The following SPTBN1 variants were observed in gnomAD, a reference collection of about 807,000 sequenced individuals.
The protein encoded by SPTBN1 is spectrin beta chain, non-erythrocytic 1.
In SPTBN1, 32 loss-of-function variants were observed where a neutral mutation model predicts 266.4. The observed-to-expected ratio is 0.12, with a 90% CI of 0.09 to 0.16. The LOEUF is 0.16. SPTBN1 is among the 10% of genes least tolerant of loss of function. The pLI is 1.00. For missense variants in SPTBN1, 2,296 were observed against 3,067.1 expected (o/e 0.75, Z 5.94); for synonymous variants, 1,336 against 1,162.2 (o/e 1.15, Z -3.04).
At chr2:54,667,011 G>A (rs544029473) in intron 34 of SPTBN1, among the ~76,000 whole-genome samples, 11 of 152,214 alleles carry the variant, frequency 7.2e-5, no homozygotes, top group African/African-American at 1.9e-4. Context: ...GGATATTAGC[G>A]AACGGCCCCT....
intron 1 of SPTBN1, among the ~76,000 whole-genome samples, chr2:54,505,060 G>C (rs1669481418): frequency 6.6e-6 from 1 of 152,160 alleles, no homozygotes; most frequent in East Asian, 1.9e-4. Flanking sequence ...TAAAGTAATG[G>C]TGATTCAGTT....
In SPTBN1 at chr2:54,624,986, A is replaced by G. The variant is rs1491001914; in HGVS notation, c.1341+24A>G. On this transcript the variant is annotated intron_variant, in intron 11 of 35. Transcript: ENST00000356805. ...AGGTTCTGCTCTTGACATTATTAAA[A>G]AGACTGTTGCTAGGGTAATCTAGAA... The G allele has an allele frequency of 1.9e-6, 3 of 1,558,326 alleles. No individual in the cohort carries two copies. In the Admixed American group the frequency reaches 5.9e-5, roughly 31 times the overall value.
At chr2:54,503,310 G>A (rs1669372881) in intron 1 of SPTBN1, among the ~76,000 whole-genome samples, 2 of 151,898 alleles carry the variant, frequency 1.3e-5, no homozygotes, top group Non-Finnish European at 2.9e-5. Flanking sequence ...CTGCCTTCCT[G>A]TTCATGGAGG....
intron 35 of SPTBN1, 109 bp downstream of exon 35, chr2:54,667,755 T>A: frequency 2.0e-6 from 2 of 982,644 alleles, no homozygotes; most frequent in Non-Finnish European, 3.2e-6. Flanking sequence ...TCAGTGATGG[T>A]TTCTATCACT....
intron 1 of SPTBN1, among the ~76,000 whole-genome samples, chr2:54,504,271 C>T (rs1669435835): frequency 6.6e-6 from 1 of 152,186 alleles, no homozygotes; most frequent in African/African-American, 2.4e-5. Flanking sequence ...TGTTCTATGA[C>T]TTTCTTAAAT....
rs770827219 is a variant in SPTBN1 at position 54,653,867 on chromosome 2, C to T, written c.5822+14C>T. ...GGAGAAGCCAAGGTAACGCTTTCAG[C>T]CCAAAGGAAATTGGACTTATTGGCG... On this transcript the variant is annotated intron_variant, in intron 27 of 35. Transcript: ENST00000356805. This position sits in a 1 kb window ranked among gnomAD's most constrained non-coding sequence, Gnocchi z 5.1. 9 of 1,601,524 alleles carry T rather than the reference C, an allele frequency of 5.6e-6. No individual in the cohort carries two copies. In the Admixed American group the frequency reaches 1.5e-4, roughly 26 times the overall value.
chr2:54,660,796 C>G, intron 32 of SPTBN1: 1 of 985,410 alleles, frequency 1.0e-6, no homozygotes, highest in Non-Finnish European at 1.2e-6. Context: ...GTAAAGTGCC[C>G]GCTGACTGCT....
chr2:54,622,719 C>T (rs1465155838), intron 9 of SPTBN1, among the ~76,000 whole-genome samples: 1 of 152,082 alleles, frequency 6.6e-6, no homozygotes, highest in Non-Finnish European at 1.5e-5. Flanking sequence ...ATGAGAATTC[C>T]AAGAAATGGT....
At chr2:54,457,963 C>A (rs371718908) in intron 1 of SPTBN1, among the ~76,000 whole-genome samples, 83 of 152,338 alleles carry the variant, frequency 5.4e-4, no homozygotes, top group African/African-American at 1.7e-3. Flanking sequence ...GGGACCTGAG[C>A]CATAGGGAGG....
At chr2:54,655,287 A>G in intron 28 of SPTBN1, 79 bp downstream of exon 28, 4 of 1,550,752 alleles carry the variant, frequency 2.6e-6, no homozygotes, top group Non-Finnish European at 2.6e-6. Flanking sequence ...TGTGTGTGTC[A>G]GAGATACTGT....
intron 1 of SPTBN1, among the ~76,000 whole-genome samples, chr2:54,487,990 C>T (rs1057490871): frequency 3.3e-5 from 5 of 151,776 alleles, no homozygotes; most frequent in Non-Finnish European, 7.4e-5. Flanking sequence ...CCACCACACC[C>T]GGCTAATTTT....
intron 1 of SPTBN1, among the ~76,000 whole-genome samples, chr2:54,485,914 C>T (rs557431980): frequency 1.5e-4 from 23 of 149,416 alleles, no homozygotes; most frequent in African/African-American, 5.0e-4. Flanking sequence ...CGTCTCTGCC[C>T]GGCCGCCCCG....
At chr2:54,576,664 A>C (rs1489666459) in intron 2 of SPTBN1, among the ~76,000 whole-genome samples, 1 of 152,164 alleles carries the variant, frequency 6.6e-6, no homozygotes, top group Non-Finnish European at 1.5e-5. Flanking sequence ...GACTTTTTAG[A>C]ACCCATTTTT....
Position 54,645,831 on chromosome 2 carries a change from C to A in SPTBN1, c.4495-97C>A. The A allele has an allele frequency of 7.4e-7, 1 of 1,351,566 alleles. No homozygotes were observed. The highest frequency in any genetic ancestry group is 1.0e-6 in the Non-Finnish European group (1 of 957,732). The allele number at this position is 1,351,566 out of a possible 1,614,324, so 83.7% of individuals were successfully genotyped here. On this transcript the variant is annotated intron_variant, in intron 21 of 35. Coordinates refer to ENST00000356805, the MANE Select transcript of SPTBN1 (RefSeq NM_003128.3). The surrounding 1 kb of genome is among the most constrained non-coding windows in gnomAD (Gnocchi z 4.3). ...CGAGGGGGCTGAGCACTCTCTGAAGCTCACCCTTGCTGTCCCTCACTGCCC... is the reference window on the plus strand; with the variant it reads ...CGAGGGGGCTGAGCACTCTCTGAAGATCACCCTTGCTGTCCCTCACTGCCC...
chr2:54,661,283 A>G (rs1322970196), intron 32 of SPTBN1: 22 of 985,784 alleles, frequency 2.2e-5, no homozygotes, highest in Non-Finnish European at 2.7e-5. Context: ...TGTACCGATA[A>G]AAACAAAACC....
intron 2 of SPTBN1, among the ~76,000 whole-genome samples, chr2:54,593,190 C>T (rs1205343265): frequency 6.6e-6 from 1 of 152,024 alleles, no homozygotes; most frequent in Non-Finnish European, 1.5e-5. Context: ...TATCTCTGAG[C>T]CTGTGGAACT....
At chr2:54,492,337 A>G (rs57637384) in intron 1 of SPTBN1, among the ~76,000 whole-genome samples, 29,836 of 133,766 alleles carry the variant, frequency 0.22, 3,960 homozygotes, top group East Asian at 0.38. Flanking sequence ...GTTTGTCTGC[A>G]GTTGTTTTTT....
chr2:54,574,812 T>C (rs1032078140), intron 2 of SPTBN1, among the ~76,000 whole-genome samples: 2 of 152,228 alleles, frequency 1.3e-5, no homozygotes, highest in African/African-American at 4.8e-5. Flanking sequence ...TTCTCCTGCA[T>C]CAAACATGAC....
intron 1 of SPTBN1, among the ~76,000 whole-genome samples, chr2:54,507,046 C>A (rs1054803758): frequency 6.6e-6 from 1 of 151,748 alleles, no homozygotes; most frequent in Non-Finnish European, 1.5e-5. Flanking sequence ...GTTTTGGGGG[C>A]AGGGGGTGGA....
Sources: gnomAD v4.1 joint callset for allele counts (sites outside exome capture counted in the v4.1 genomes callset) on GRCh38, gnomAD v4.1.1 for gene constraint, Gnocchi (gnomAD v3.1) non-coding constraint, MANE v1.5 for transcripts, NCBI Gene and HGNC (gene_info 2026-07-23, HGNC 2026-07-21) for gene names.